The following NTRK2 variants were observed in gnomAD, a reference collection of about 807,000 sequenced individuals.
The protein encoded by NTRK2 is neurotrophic receptor tyrosine kinase 2.
Under a neutral mutation model 94.5 loss-of-function variants are expected in NTRK2, and 13 were observed. That is an observed-to-expected ratio of 0.14 (90% CI 0.09 to 0.22). The LOEUF (loss-of-function observed/expected upper bound fraction) is 0.22. NTRK2 is among the 10% of genes least tolerant of loss of function. NTRK2 has a pLI of 1.00. For missense variants in NTRK2, 639 were observed against 1,071.2 expected, an observed-to-expected ratio of 0.60 and a Z score of 5.63; for synonymous variants, 372 against 407.4, an observed-to-expected ratio of 0.91 and a Z score of 1.05.
intron 17 of NTRK2, among the ~76,000 whole-genome samples, chr9:84,995,457 G>C (rs1482640894): frequency 2.6e-5 from 4 of 152,108 alleles, no homozygotes; most frequent in Non-Finnish European, 5.9e-5. Flanking sequence ...CAAAATCCCA[G>C]TTGCCCAAAT....
intron 6 of NTRK2, among the ~76,000 whole-genome samples, chr9:84,714,547 A>C (rs566372514): frequency 2.0e-5 from 3 of 152,138 alleles, no homozygotes; most frequent in Admixed American, 6.6e-5. Context: ...GTCATGTATT[A>C]ATTTTCTTTT....
At chr9:84,977,741 T>C (rs982761722) in intron 17 of NTRK2, among the ~76,000 whole-genome samples, 3 of 152,180 alleles carry the variant, frequency 2.0e-5, no homozygotes, top group African/African-American at 7.2e-5. Context: ...TATGCAAATA[T>C]TGTGTATTTT....
chr9:84,964,743 C>T (rs573504715), intron 17 of NTRK2, among the ~76,000 whole-genome samples: 68 of 152,348 alleles, frequency 4.5e-4, no homozygotes, highest in Non-Finnish European at 8.8e-4. Context: ...CACTGTCCTT[C>T]ATTGCCTGTT....
intron 12 of NTRK2, among the ~76,000 whole-genome samples, chr9:84,808,566 A>G (rs1316949143): frequency 6.6e-6 from 1 of 152,218 alleles, no homozygotes; most frequent in Non-Finnish European, 1.5e-5. Flanking sequence ...TGATTTGTTA[A>G]TTTGGCATGC....
chr9:84,741,860 C>T (rs1202613222), intron 9 of NTRK2, 32 bp from the exon 10 acceptor site: 1 of 1,604,002 alleles, frequency 6.2e-7, no homozygotes, highest in Admixed American at 1.7e-5. Flanking sequence ...AAAATGCATA[C>T]TTACAAATCT....
At chr9:84,968,612 C>T (rs560064745) in intron 17 of NTRK2, among the ~76,000 whole-genome samples, 15 of 152,236 alleles carry the variant, frequency 9.9e-5, no homozygotes, top group Non-Finnish European at 2.1e-4. Context: ...AGACAGCAGA[C>T]TTGGATTTAT....
At chr9:84,879,746 T>C (rs2076198676) in intron 14 of NTRK2, among the ~76,000 whole-genome samples, 1 of 152,150 alleles carries the variant, frequency 6.6e-6, no homozygotes, top group Non-Finnish European at 1.5e-5. Flanking sequence ...ACCCAGCAAT[T>C]TTCTAACTCA....
At chr9:84,865,031 G>A (rs1272519628) in intron 13 of NTRK2, among the ~76,000 whole-genome samples, 2 of 152,066 alleles carry the variant, frequency 1.3e-5, no homozygotes, top group African/African-American at 4.8e-5. Context: ...GAGCCACCAT[G>A]CCCGGCCAAC....
intron 17 of NTRK2, among the ~76,000 whole-genome samples, chr9:85,018,500 C>T (rs1489407629): frequency 6.6e-6 from 1 of 152,210 alleles, no homozygotes; most frequent in Non-Finnish European, 1.5e-5. Context: ...CTGCCCAGAC[C>T]TGGTGAGATC....
intron 12 of NTRK2, among the ~76,000 whole-genome samples, chr9:84,827,473 C>T (rs945751794): frequency 6.6e-6 from 1 of 152,128 alleles, no homozygotes; most frequent in Non-Finnish European, 1.5e-5. Context: ...CTTTTTGCTG[C>T]CAAATCATCT....
rs529238194 is a variant in NTRK2 at position 84,965,291 on chromosome 9, C to G, written c.2172+9774C>G. Among the ~76,000 whole-genome samples the G allele has an allele frequency of 3.9e-5, 6 of 152,340 alleles. No homozygotes were observed. The East Asian group carries it at 1.2e-3, about 29-fold the overall frequency. ...AATTAATCCAAGATAGTTTTGCAGA[C>G]ATAGTTCTTAACCATGCCTCTTTAA... On this transcript the variant is annotated intron_variant, in intron 17 of 18. Coordinates refer to ENST00000277120, the MANE Select transcript of NTRK2 (RefSeq NM_006180.6).
At chr9:84,799,281 G>A (rs888464730) in intron 12 of NTRK2, among the ~76,000 whole-genome samples, 2 of 152,038 alleles carry the variant, frequency 1.3e-5, no homozygotes, top group African/African-American at 4.8e-5. Flanking sequence ...CCTTTTCTCA[G>A]CCTGCTGTTC....
chr9:84,898,833 G>T (rs1444955299), intron 14 of NTRK2, among the ~76,000 whole-genome samples: 3 of 152,054 alleles, frequency 2.0e-5, no homozygotes, highest in African/African-American at 7.3e-5. Context: ...CAACCAAGTA[G>T]CTGGAATTAC....
rs1362512627 is a variant in NTRK2, at chr9:84,879,245, AG to A, written c.1633+11818del. 2.6e-5 allele frequency among the ~76,000 whole-genome samples: 4 copies of A among 152,296 alleles called. No homozygotes were observed. The East Asian group carries it at 5.8e-4, about 22-fold the overall frequency. The stretch of plus-strand genomic sequence containing the variant: ...TTGGAAAAGGACAGGAGGGAGGATC[AG>A]GGGACTTTCTCAGTAAGTCTGAGAA... On this transcript the variant is annotated intron_variant, in intron 14 of 18. Transcript: ENST00000277120.
At chr9:84,854,540 T>G (rs2074962742) in intron 12 of NTRK2, among the ~76,000 whole-genome samples, 1 of 151,948 alleles carries the variant, frequency 6.6e-6, no homozygotes, top group Non-Finnish European at 1.5e-5. Context: ...AAGAATGAGA[T>G]GATAGAGAGT....
intron 12 of NTRK2, among the ~76,000 whole-genome samples, chr9:84,824,286 C>T (rs1231967988): frequency 6.6e-6 from 1 of 152,202 alleles, no homozygotes; most frequent in Admixed American, 6.5e-5. Flanking sequence ...AGAACCCTCA[C>T]GACCCACCAC....
intron 11 of NTRK2, among the ~76,000 whole-genome samples, chr9:84,745,406 A>G (rs894410412): frequency 6.6e-6 from 1 of 152,176 alleles, no homozygotes; most frequent in African/African-American, 2.4e-5. Flanking sequence ...AATTTTTAAT[A>G]TAATTTTGAC....
chr9:84,760,734 C>T (rs2065484477), intron 12 of NTRK2, among the ~76,000 whole-genome samples: 1 of 152,070 alleles, frequency 6.6e-6, no homozygotes, highest in Non-Finnish European at 1.5e-5. Context: ...GAAATATTTT[C>T]CAAAGTAAAG....
At chr9:84,813,678 C>T (rs2072062205) in intron 12 of NTRK2, 2 of 1,066,162 alleles carry the variant, frequency 1.9e-6, no homozygotes, top group Non-Finnish European at 2.3e-6. Flanking sequence ...CTCCCCTCAA[C>T]CCATTCCCTG....
Sources: allele counts gnomAD v4.1 joint callset (sites outside exome capture counted in the v4.1 genomes callset), GRCh38; gene constraint gnomAD v4.1.1; transcripts MANE v1.5; gene names NCBI Gene and HGNC (gene_info 2026-07-23, HGNC 2026-07-21).